The following DPP10 variants were observed in gnomAD, a reference collection of about 807,000 sequenced individuals.
DPP10 encodes the protein inactive dipeptidyl peptidase 10.
DPP10 carries 33 observed loss-of-function variants against 120.9 expected under a neutral mutation model. That is an observed-to-expected ratio of 0.27 (90% CI 0.21 to 0.37). DPP10 has a LOEUF of 0.37. DPP10 is among the 10% of genes least tolerant of loss of function. DPP10 has a pLI of 1.00. For missense variants in DPP10, 816 were observed against 942.8 expected (o/e 0.87, Z 1.76); for synonymous variants, 337 against 326.1 (o/e 1.03, Z -0.36).
intron 1 of DPP10, among the ~76,000 whole-genome samples, chr2:115,283,469 A>G (rs886953310): frequency 1.3e-5 from 2 of 151,978 alleles, no homozygotes; most frequent in Admixed American, 1.3e-4. Flanking sequence ...ATATTGGTTG[A>G]TGGTTTTTCT....
At chr2:115,402,303 T>C (rs1418259984) in intron 3 of DPP10, among the ~76,000 whole-genome samples, 1 of 152,028 alleles carries the variant, frequency 6.6e-6, no homozygotes. Flanking sequence ...ACAGGAAACA[T>C]TGGGATTACA....
intron 5 of DPP10, among the ~76,000 whole-genome samples, chr2:115,609,396 CAG>C (rs1162185507): frequency 3.9e-5 from 6 of 151,960 alleles, no homozygotes; most frequent in Non-Finnish European, 8.8e-5. Flanking sequence ...GTCTAGGAAT[CAG>C]AGGATCCATC....
chr2:115,061,957 T>C (rs896218698), intron 1 of DPP10, among the ~76,000 whole-genome samples: 2 of 152,124 alleles, frequency 1.3e-5, no homozygotes, highest in Admixed American at 6.5e-5. Flanking sequence ...TTTTTTTCCC[T>C]TGGCTATTCT....
intron 1 of DPP10, among the ~76,000 whole-genome samples, chr2:115,080,587 C>G (rs1708194208): frequency 6.6e-6 from 1 of 152,102 alleles, no homozygotes. Context: ...TTTTGTACAA[C>G]AGCAGAAAAT....
At chr2:114,664,560 C>T (rs1434425670) in intron 1 of DPP10, among the ~76,000 whole-genome samples, 3 of 137,246 alleles carry the variant, frequency 2.2e-5, no homozygotes, top group Non-Finnish European at 4.6e-5. Context: ...ACCAGGGAGG[C>T]GGAGGTTGCA....
intron 1 of DPP10, among the ~76,000 whole-genome samples, chr2:114,449,151 T>C (rs1308806802): frequency 2.0e-5 from 3 of 152,134 alleles, no homozygotes; most frequent in Non-Finnish European, 4.4e-5. Context: ...TGGAGAAATG[T>C]CTCCCTTCTT....
intron 1 of DPP10, among the ~76,000 whole-genome samples, chr2:115,129,421 C>T (rs1347472913): frequency 1.3e-5 from 2 of 152,140 alleles, no homozygotes; most frequent in Non-Finnish European, 2.9e-5. Flanking sequence ...TTCCGAAGCA[C>T]TTATTTGTCA....
rs2062462119 is a variant in DPP10 at position 115,327,932 on chromosome 2, T to C, written c.176-15885T>C. Among the ~76,000 whole-genome samples the C allele has an allele frequency of 2.0e-5, 3 of 152,048 alleles. No individual in the cohort carries two copies. The South Asian group carries it at 6.2e-4, about 31-fold the overall frequency. On this transcript the variant is annotated intron_variant, in intron 2 of 25. Coordinates refer to ENST00000410059, the MANE Select transcript of DPP10 (RefSeq NM_020868.6). ...AGGGTGCCTGGAGTTTTATCAACCA[T>C]TGCTTTTGTATCACAAGTGAAAATT...
At chr2:114,892,866 A>T (rs923126887) in intron 1 of DPP10, among the ~76,000 whole-genome samples, 2 of 152,118 alleles carry the variant, frequency 1.3e-5, no homozygotes, top group African/African-American at 4.8e-5. Context: ...CCCCCAAAAA[A>T]TGGCAGTGAT....
intron 5 of DPP10, among the ~76,000 whole-genome samples, chr2:115,552,023 C>T (rs1315724964): frequency 2.0e-5 from 3 of 152,012 alleles, no homozygotes; most frequent in African/African-American, 7.3e-5. Flanking sequence ...AAGTTGGCTA[C>T]CATAGTTCCA....
chr2:115,392,849 G>A (rs189664720), intron 3 of DPP10, among the ~76,000 whole-genome samples: 2 of 152,072 alleles, frequency 1.3e-5, no homozygotes, highest in Admixed American at 1.3e-4. Flanking sequence ...TTTCTATGAA[G>A]ATCTTTGTGT....
At chr2:115,224,628 A>G (rs1001262933) in intron 1 of DPP10, among the ~76,000 whole-genome samples, 5 of 152,168 alleles carry the variant, frequency 3.3e-5, no homozygotes, top group African/African-American at 1.2e-4. Context: ...AGTTAATAAC[A>G]ATGTATTATA....
In DPP10 at chr2:115,541,097, G is replaced by C. The variant is rs1039237640; in HGVS notation, c.441+15125G>C. Among the ~76,000 whole-genome samples the C allele has an allele frequency of 1.5e-4, 23 of 151,944 alleles. 1 individual carries two copies. The South Asian group carries it at 2.5e-3, about 16-fold the overall frequency. On this transcript the variant is annotated intron_variant, in intron 5 of 25. Coordinates refer to ENST00000410059, the MANE Select transcript of DPP10 (RefSeq NM_020868.6). ...AATAATGAATGTTGTTAATAGTCAT[G>C]ATGTTTATGTAGAATATAAATTTAA...
At chr2:115,664,711 C>T (rs557916144) in intron 5 of DPP10, among the ~76,000 whole-genome samples, 2 of 152,244 alleles carry the variant, frequency 1.3e-5, no homozygotes, top group East Asian at 1.9e-4. Flanking sequence ...CTCTCTTACC[C>T]CAACTGGGTT....
chr2:115,706,554 G>A (rs528786963), intron 7 of DPP10, among the ~76,000 whole-genome samples: 1 of 152,024 alleles, frequency 6.6e-6, no homozygotes, highest in African/African-American at 2.4e-5. Flanking sequence ...CAATGTAGAT[G>A]ACAGTTAGTG....
chr2:115,053,284 A>T (rs773971479), intron 1 of DPP10, among the ~76,000 whole-genome samples: 1 of 152,216 alleles, frequency 6.6e-6, no homozygotes, highest in Non-Finnish European at 1.5e-5. Flanking sequence ...TTATTCAGCC[A>T]CAAAAAGCAA....
chr2:115,018,300 T>TCTA (rs1702816945), intron 1 of DPP10, among the ~76,000 whole-genome samples: 1 of 152,172 alleles, frequency 6.6e-6, no homozygotes, highest in Non-Finnish European at 1.5e-5. Context: ...GACAGTGTGG[T>TCTA]GATTCCTCCA....
intron 1 of DPP10, among the ~76,000 whole-genome samples, chr2:114,996,542 T>C (rs1372382362): frequency 6.6e-6 from 1 of 152,208 alleles, no homozygotes; most frequent in Non-Finnish European, 1.5e-5. Flanking sequence ...CATCAGGCAT[T>C]TCTTTTTTAC....
intron 1 of DPP10, among the ~76,000 whole-genome samples, chr2:114,481,936 A>AAGG (rs1681086110): frequency 6.8e-6 from 1 of 146,024 alleles, no homozygotes; most frequent in Admixed American, 6.7e-5. Flanking sequence ...AGAGAAAGAG[A>AAGG]AGAAGGAGAA....
Sources: allele counts gnomAD v4.1 joint callset (sites outside exome capture counted in the v4.1 genomes callset), GRCh38; gene constraint gnomAD v4.1.1; transcripts MANE v1.5; gene names NCBI Gene and HGNC (gene_info 2026-07-23, HGNC 2026-07-21).